RASSF8: variants seen among roughly 807,000 people sequenced by gnomAD.
RASSF8 encodes the protein Ras association domain family member 8, also known as ras association domain-containing protein 8.
Under a neutral mutation model 48.5 loss-of-function variants are expected in RASSF8, and 22 were observed. The ratio of observed to expected loss-of-function variants is 0.45; its 90% CI spans 0.32 to 0.65. The LOEUF (loss-of-function observed/expected upper bound fraction) is 0.65. RASSF8 is among the 30% of genes least tolerant of loss of function. The probability of loss-of-function intolerance (pLI) is 0.03; values close to 1 mark genes in which losing one functional copy is unlikely to be tolerated. For missense variants in RASSF8, 418 were observed against 489.2 expected, an observed-to-expected ratio of 0.85 and a Z score of 1.37; for synonymous variants, 127 against 171.5, an observed-to-expected ratio of 0.74 and a Z score of 2.03.
At chr12:26,012,452 A>G (rs1231641072) in intron 2 of RASSF8, among the ~76,000 whole-genome samples, 1 of 152,138 alleles carries the variant, frequency 6.6e-6, no homozygotes, top group East Asian at 1.9e-4. Flanking sequence ...GCCTTTTTTC[A>G]GTGGCTATAA....
chr12:26,015,032 C>CCCCT (rs923209255), intron 2 of RASSF8, among the ~76,000 whole-genome samples: 12 of 149,858 alleles, frequency 8.0e-5, no homozygotes, highest in Admixed American at 6.7e-4. Flanking sequence ...ATAGTGAGAC[C>CCCCT]CCGTCTGTCC....
At chr12:26,035,436 TATATA>T (rs67251476) in intron 2 of RASSF8, among the ~76,000 whole-genome samples, 9,512 of 32,802 alleles carry the variant, frequency 0.29, 516 homozygotes, top group African/African-American at 0.37. Context: ...ATTATATAAT[TATATA>T]ATATAAGTAT....
chr12:26,056,782 T>G (rs1943612078), intron 3 of RASSF8, among the ~76,000 whole-genome samples: 2 of 152,256 alleles, frequency 1.3e-5, no homozygotes. Flanking sequence ...TTTTTGCATT[T>G]GAGAATCTTA....
chr12:26,057,100 T>TCG (rs1555169455), intron 3 of RASSF8, among the ~76,000 whole-genome samples: 2 of 128,842 alleles, frequency 1.6e-5, no homozygotes, highest in Admixed American at 7.3e-5. Flanking sequence ...AATGACACTT[T>TCG]TGTGTGTGTG....
At chr12:25,970,864 T>C (rs1941469022) in intron 1 of RASSF8, among the ~76,000 whole-genome samples, 1 of 152,210 alleles carries the variant, frequency 6.6e-6, no homozygotes. Context: ...TTTGATGACA[T>C]GAAGAAATGG....
intron 2 of RASSF8, among the ~76,000 whole-genome samples, chr12:26,040,823 T>C (rs546376406): frequency 6.6e-6 from 1 of 152,302 alleles, no homozygotes; most frequent in African/African-American, 2.4e-5. Flanking sequence ...TTCAGTTTGT[T>C]AGACTATGAT....
At chr12:26,005,536 A>T (rs1017627038) in intron 2 of RASSF8, among the ~76,000 whole-genome samples, 2 of 152,220 alleles carry the variant, frequency 1.3e-5, no homozygotes, top group Non-Finnish European at 2.9e-5. Flanking sequence ...ACAAGGTTAG[A>T]ATATAAAATC....
At chr12:26,017,546 G>C (rs917183692) in intron 2 of RASSF8, among the ~76,000 whole-genome samples, 7 of 152,242 alleles carry the variant, frequency 4.6e-5, no homozygotes, top group Admixed American at 1.3e-4. Context: ...AAGCAGAGAA[G>C]TCACCTTGTT....
At chr12:26,073,748 T>TACACACACACACACAC (rs5797160), downstream of RASSF8, among the ~76,000 whole-genome samples, 428 of 134,718 alleles carry the variant, frequency 3.2e-3, 3 homozygotes, top group African/African-American at 0.012. Flanking sequence ...TCTCTCTCTA[T>TACACACACACACACAC]ACACACACAC....
intron 2 of RASSF8, among the ~76,000 whole-genome samples, chr12:26,035,884 A>T (rs1943138986): frequency 6.9e-6 from 1 of 145,786 alleles, no homozygotes; most frequent in Non-Finnish European, 1.5e-5. Flanking sequence ...ATTATATATT[A>T]TATATAATTA....
chr12:26,043,775 C>T (rs919679979), intron 2 of RASSF8, among the ~76,000 whole-genome samples: 2 of 152,128 alleles, frequency 1.3e-5, no homozygotes, highest in Admixed American at 6.6e-5. Flanking sequence ...TGCACGGCAA[C>T]GCAGATGAAA....
chr12:26,065,424 G>A, intron 4 of RASSF8, 37 bp downstream of exon 4: 1 of 1,526,514 alleles, frequency 6.6e-7, no homozygotes. Context: ...TTTGGCCCAT[G>A]TAAAATAGTA....
chr12:26,072,827 G>A lies in RASSF8; in HGVS notation c.*4009G>A, dbSNP rs560043836. ...AGCTGTAAAACAAAGAATCAATATT[G>A]GATATTCTCCCAAATAATAAATTTT... is the stretch of plus-strand genomic sequence containing the variant. On this transcript the variant is annotated 3_prime_UTR_variant, in exon 6 of 6. Transcript: ENST00000689635. 18 of 911,994 alleles carry A rather than the reference G, an allele frequency of 2.0e-5. No individual in the cohort carries two copies. Among genetic ancestry groups the A allele is most frequent in the African/African-American group, 3.6e-5 (2 of 55,346 alleles). 56.5% of individuals were successfully genotyped at this position (911,994 alleles called of 1,614,324 possible).
At chr12:25,992,381 A>T (rs1394137459) in intron 1 of RASSF8, among the ~76,000 whole-genome samples, 1 of 152,182 alleles carries the variant, frequency 6.6e-6, no homozygotes, top group Non-Finnish European at 1.5e-5. Context: ...CCAGTTATTT[A>T]ACCTTTTGAT....
chr12:26,010,692 G>C (rs1038983488), intron 2 of RASSF8, among the ~76,000 whole-genome samples: 2 of 152,146 alleles, frequency 1.3e-5, no homozygotes, highest in African/African-American at 2.4e-5. Flanking sequence ...TAAGGAATAG[G>C]AGGAGGATGT....
In RASSF8 at chr12:26,070,356, A is replaced by G; in HGVS notation, c.*1538A>G. 6 of 985,362 alleles carry G rather than the reference A, an allele frequency of 6.1e-6. No homozygotes were observed. The highest frequency in any genetic ancestry group is 7.2e-6 in the Non-Finnish European group (6 of 829,850). The allele number at this position is 985,362 out of a possible 1,614,324, so 61.0% of individuals were successfully genotyped here. On this transcript the variant is annotated 3_prime_UTR_variant, in exon 6 of 6. Coordinates refer to ENST00000689635, the MANE Select transcript of RASSF8 (RefSeq NM_001394098.1). ...ACTTAGGTTTCCTATGAAATTTTTA[A>G]GAATGGCTATGAGACTGTATAGAAG...
chr12:26,067,651 A>G lies in RASSF8; in HGVS notation c.1076A>G (p.Lys359Arg), dbSNP rs757057125. Residue 359 changes from lysine (K) to arginine (R), a missense_variant, in exon 5 of 6, where the codon AAA becomes AGA. Transcript: ENST00000689635. Reference sequence around the variant, plus strand: ...CAGTTCATCCAGCAGACAGGGACAAAAGTTACCGTTTTGCCAGCGGAGCCC... The same window carrying G: ...CAGTTCATCCAGCAGACAGGGACAAGAGTTACCGTTTTGCCAGCGGAGCCC... ...LQQFIQQTGT[K>R]VTVLPAEPIE... is the part of the protein sequence containing the mutation. The G allele has an allele frequency of 6.2e-7, 1 of 1,614,070 alleles. No individual in the cohort carries two copies. The highest frequency in any genetic ancestry group is 8.5e-7 in the Non-Finnish European group (1 of 1,180,020).
chr12:26,035,535 TA>T (rs534003826), intron 2 of RASSF8, among the ~76,000 whole-genome samples: 1,727 of 133,498 alleles, frequency 0.013, 39 homozygotes, highest in African/African-American at 0.043. Flanking sequence ...AAATTATATA[TA>T]AAAATTATAT....
chr12:25,968,395 T>G (rs1027700218), intron 1 of RASSF8, among the ~76,000 whole-genome samples: 1 of 152,150 alleles, frequency 6.6e-6, no homozygotes, highest in African/African-American at 2.4e-5. Context: ...CAGGCTGGAG[T>G]GCAGTGGCAC....
Sources: gnomAD v4.1 joint callset for allele counts (sites outside exome capture counted in the v4.1 genomes callset) on GRCh38, gnomAD v4.1.1 for gene constraint, MANE v1.5 for transcripts, NCBI Gene and HGNC (gene_info 2026-07-23, HGNC 2026-07-21) for gene names.